Variants in KDM2A observed in about 807,000 individuals in gnomAD.
The protein encoded by KDM2A is lysine-specific demethylase 2A.
Under a neutral mutation model 137.3 loss-of-function variants are expected in KDM2A, and 3 were observed. That is an observed-to-expected ratio of 0.02 (90% CI 0.01 to 0.06). The LOEUF is 0.06. Ranked by LOEUF, KDM2A falls within the 10% of genes least tolerant of loss-of-function variation. KDM2A has a pLI of 1.00. For missense variants in KDM2A, 738 were observed against 1,510.6 expected (o/e 0.49, Z 8.48); for synonymous variants, 512 against 541.5 (o/e 0.95, Z 0.76).
intron 2 of KDM2A, among the ~76,000 whole-genome samples, chr11:67,169,733 T>TTCTCTCTCTCTCTCTCTCTC (rs71056181): frequency 2.2e-5 from 2 of 92,682 alleles, no homozygotes; most frequent in Middle Eastern, 0.011. Context: ...CTCTCTCTCC[T>TTCTCTCTCTCTCTCTCTCTC]TCTCTCTCTC....
At position 67,222,015 on chromosome 11, in the gene KDM2A, AT is replaced by A. The variant is rs1858369441; in HGVS notation, c.957+2613del. Among the ~76,000 whole-genome samples the A allele has an allele frequency of 6.0e-5, 9 of 150,922 alleles. No homozygotes were observed. The South Asian group carries it at 1.9e-3, about 32-fold the overall frequency. On this transcript the variant is annotated intron_variant, in intron 10 of 20. Transcript: ENST00000529006. ...GGGAAAATGTTTCAAAAGAAAAAAA[AT>A]GTATAATTCCATAGTAAAATACTCC...
intron 8 of KDM2A, among the ~76,000 whole-genome samples, chr11:67,216,185 C>T (rs1171317360): frequency 6.6e-6 from 1 of 152,142 alleles, no homozygotes; most frequent in Non-Finnish European, 1.5e-5. Flanking sequence ...TCTCAATAGT[C>T]CTGTTTCTAG....
chr11:67,123,459 T>TAGA (rs1855645792), intron 2 of KDM2A, among the ~76,000 whole-genome samples: 1 of 152,114 alleles, frequency 6.6e-6, no homozygotes, highest in Admixed American at 6.6e-5. Context: ...ATATCTGTAG[T>TAGA]AGAATATTGT....
chr11:67,223,875 A>G (rs1421232512), intron 10 of KDM2A, among the ~76,000 whole-genome samples: 2 of 152,292 alleles, frequency 1.3e-5, no homozygotes, highest in East Asian at 3.9e-4. Flanking sequence ...ATTTTGAGGG[A>G]CCAAATACCT....
At chr11:67,214,222 TGAGACGGAG>T (rs1858086029) in intron 6 of KDM2A, among the ~76,000 whole-genome samples, 1 of 146,654 alleles carries the variant, frequency 6.8e-6, no homozygotes. Flanking sequence ...TTTTTTTTTT[TGAGACGGAG>T]TCTTGCTCTG....
At chr11:67,248,145 G>A in intron 15 of KDM2A, 136 bp from the exon 16 acceptor site, 1 of 656,942 alleles carries the variant, frequency 1.5e-6, no homozygotes, top group Non-Finnish European at 2.7e-6. Context: ...GGCTATTTGG[G>A]GCTGGATTGC....
At chr11:67,141,935 T>G (rs1856113201) in intron 2 of KDM2A, among the ~76,000 whole-genome samples, 1 of 152,030 alleles carries the variant, frequency 6.6e-6, no homozygotes, top group South Asian at 2.1e-4. Flanking sequence ...TCTCTTTCTG[T>G]GCCTGGTTTA....
At position 67,119,833 on chromosome 11, in the gene KDM2A, C is replaced by G. The variant is rs1213153524; in HGVS notation, c.-300C>G. The G allele has an allele frequency of 6.6e-6, 1 of 151,810 alleles. No homozygotes were observed. Among genetic ancestry groups the G allele is most frequent in the East Asian group, 1.9e-4 (1 of 5,168 alleles). 9.4% of individuals were successfully genotyped at this position (151,810 alleles called of 1,614,324 possible). A position where few individuals can be genotyped will look rare whatever the true frequency, so the allele number is the denominator to read the frequency against. On this transcript the variant is annotated 5_prime_UTR_variant, in exon 1 of 21. Transcript: ENST00000529006. ...GGGCTCGGCGCCGAGGGGTCGCGCT[C>G]CTCTCTCCTGACGCCTCCGACTCCC...
intron 5 of KDM2A, among the ~76,000 whole-genome samples, chr11:67,201,218 A>ATGTGTGTGTGTG (rs61320277): frequency 1.4e-5 from 2 of 145,462 alleles, no homozygotes; most frequent in African/African-American, 5.1e-5. Flanking sequence ...ATATATATAT[A>ATGTGTGTGTGTG]TGTGTGTGTG....
At chr11:67,161,210 T>C (rs927173776) in intron 2 of KDM2A, among the ~76,000 whole-genome samples, 13 of 152,178 alleles carry the variant, frequency 8.5e-5, no homozygotes, top group African/African-American at 3.1e-4. Context: ...AAAATTTTTT[T>C]AAATTGAAAC....
At chr11:67,218,973 AGATTG>A (rs1380272088) in intron 9 of KDM2A, among the ~76,000 whole-genome samples, 2 of 152,230 alleles carry the variant, frequency 1.3e-5, no homozygotes, top group Non-Finnish European at 2.9e-5. Flanking sequence ...GGAAGCCAAA[AGATTG>A]GACACCCCTG....
intron 5 of KDM2A, chr11:67,195,613 C>T (rs1322623021): frequency 6.5e-6 from 1 of 154,626 alleles, no homozygotes; most frequent in East Asian, 1.9e-4. Context: ...TCAAGTCTTT[C>T]TTTGCAAAAC....
chr11:67,240,358 G>A (rs1247526675), intron 12 of KDM2A: 6 of 1,535,166 alleles, frequency 3.9e-6, no homozygotes, highest in Non-Finnish European at 5.2e-6. Context: ...CCAGAGCGAC[G>A]GGAAACGAAA....
At chr11:67,130,582 A>T (rs1855830653) in intron 2 of KDM2A, among the ~76,000 whole-genome samples, 2 of 152,190 alleles carry the variant, frequency 1.3e-5, no homozygotes. Flanking sequence ...AAGTCAAGGA[A>T]TTGATACATT....
intron 2 of KDM2A, among the ~76,000 whole-genome samples, chr11:67,124,340 C>T (rs1855667923): frequency 6.6e-6 from 1 of 150,772 alleles, no homozygotes; most frequent in South Asian, 2.1e-4. Context: ...GAAATGGAGA[C>T]TCACTCTGTT....
At chr11:67,204,857 T>C (rs1040698656) in intron 5 of KDM2A, among the ~76,000 whole-genome samples, 1 of 152,204 alleles carries the variant, frequency 6.6e-6, no homozygotes, top group Non-Finnish European at 1.5e-5. Context: ...CTTTTTATGG[T>C]CGACTATTTC....
chr11:67,234,527 A>G (rs765992227), intron 12 of KDM2A, among the ~76,000 whole-genome samples: 11 of 152,248 alleles, frequency 7.2e-5, no homozygotes, highest in Admixed American at 2.0e-4. Context: ...AACAAGTCAT[A>G]GAATATAGAG....
intron 5 of KDM2A, among the ~76,000 whole-genome samples, chr11:67,193,872 A>G (rs1046342984): frequency 6.6e-6 from 1 of 152,136 alleles, no homozygotes; most frequent in Non-Finnish European, 1.5e-5. Context: ...ATACATACAT[A>G]CATACATACG....
rs772891417 is a variant in KDM2A at position 67,250,328 on chromosome 11, G to A, written c.2298G>A (p.Gln766=). 2 of 1,613,970 alleles carry A rather than the reference G, an allele frequency of 1.2e-6. No individual in the cohort carries two copies. Among genetic ancestry groups the A allele is most frequent in the South Asian group, 2.2e-5 (2 of 91,092 alleles). ...AACGGCGGCAGTTGCTGCGGCTGCA[G>A]GCCACAGAGCGCACCATGGTACGGG... ...RFKRRQLLRL[Q]ATERTMVREK... Residue 766 remains glutamine (Q), a synonymous_variant, in exon 17 of 21, where the codon CAG becomes CAA. Coordinates refer to ENST00000529006, the MANE Select transcript of KDM2A (RefSeq NM_012308.3). This position sits in a 1 kb window ranked among gnomAD's most constrained non-coding sequence, Gnocchi z 7.1.
Sources: gnomAD v4.1 joint callset for allele counts (sites outside exome capture counted in the v4.1 genomes callset) on GRCh38, gnomAD v4.1.1 for gene constraint, Gnocchi (gnomAD v3.1) non-coding constraint, MANE v1.5 for transcripts, NCBI Gene and HGNC (gene_info 2026-07-23, HGNC 2026-07-21) for gene names.